WWOX: variants seen among roughly 807,000 people sequenced by gnomAD.
WWOX encodes the protein WW domain-containing oxidoreductase.
A neutral mutation model predicts 46.2 loss-of-function variants in WWOX; 69 were observed. That is an observed-to-expected ratio of 1.49 (90% CI 1.23 to 1.82). The LOEUF (loss-of-function observed/expected upper bound fraction) is 1.82, where lower values mean the gene tolerates loss of function less well. WWOX is among the 40% of genes most tolerant of loss of function. The pLI, the probability that WWOX is intolerant of heterozygous loss-of-function variation, is 0.00. For missense variants in WWOX, 919 were observed against 542.6 expected (o/e 1.69, Z -6.89); for synonymous variants, 359 against 202.6 (o/e 1.77, Z -6.56).
At chr16:78,906,427 C>G (rs1476808951) in intron 8 of WWOX, among the ~76,000 whole-genome samples, 2 of 152,286 alleles carry the variant, frequency 1.3e-5, no homozygotes, top group East Asian at 1.9e-4. Flanking sequence ...CAACCCTCCC[C>G]CAAGCTAAAA....
chr16:78,716,389 C>G (rs890125075), intron 8 of WWOX, among the ~76,000 whole-genome samples: 1 of 152,144 alleles, frequency 6.6e-6, no homozygotes, highest in Admixed American at 6.5e-5. Flanking sequence ...CATTGCTGTT[C>G]TAAGCCACCC....
At chr16:78,137,714 C>G (rs1363952580) in intron 4 of WWOX, among the ~76,000 whole-genome samples, 2 of 152,126 alleles carry the variant, frequency 1.3e-5, no homozygotes, top group African/African-American at 2.4e-5. Flanking sequence ...GTTGTGGTCT[C>G]TGTTCCACTT....
chr16:78,376,745 G>C (rs1345354609), intron 5 of WWOX, among the ~76,000 whole-genome samples: 3 of 152,172 alleles, frequency 2.0e-5, no homozygotes, highest in Non-Finnish European at 4.4e-5. Flanking sequence ...GACATTAGCA[G>C]ATGTCTGCTA....
intron 8 of WWOX, among the ~76,000 whole-genome samples, chr16:78,794,550 C>G (rs1260464122): frequency 6.6e-6 from 1 of 152,184 alleles, no homozygotes; most frequent in African/African-American, 2.4e-5. Context: ...TGAATAATAT[C>G]TAAGAGGTAA....
intron 5 of WWOX, among the ~76,000 whole-genome samples, chr16:78,229,390 C>T (rs1383395089): frequency 6.6e-6 from 1 of 150,638 alleles, no homozygotes; most frequent in Non-Finnish European, 1.5e-5. Flanking sequence ...ACTCAAGAAG[C>T]CTTTGTTTTT....
chr16:78,865,982 G>A (rs1303833955), intron 8 of WWOX, among the ~76,000 whole-genome samples: 1 of 152,202 alleles, frequency 6.6e-6, no homozygotes, highest in Non-Finnish European at 1.5e-5. Flanking sequence ...AACCGTAGGT[G>A]ATCACATACT....
At chr16:78,864,754 CTTTTTTTTTTT>C (rs57606576) in intron 8 of WWOX, among the ~76,000 whole-genome samples, 18 of 87,160 alleles carry the variant, frequency 2.1e-4, no homozygotes, top group African/African-American at 5.7e-4. Context: ...TCTCCAACTC[CTTTTTTTTTTT>C]TTTTTTTTTT....
At chr16:79,033,434 G>C (rs1367388837) in intron 8 of WWOX, among the ~76,000 whole-genome samples, 1 of 150,212 alleles carries the variant, frequency 6.7e-6, no homozygotes. Context: ...TGGTGTAGAT[G>C]TACCACATTT....
At position 78,359,103 on chromosome 16, in the gene WWOX, T is replaced by C. The variant is rs539058100; in HGVS notation, c.517-27757T>C. Among the ~76,000 whole-genome samples the C allele has an allele frequency of 3.3e-5, 5 of 152,252 alleles. No individual in the cohort carries two copies. The South Asian group carries it at 6.2e-4, about 19-fold the overall frequency. On this transcript the variant is annotated intron_variant, in intron 5 of 8. Transcript: ENST00000566780. ...ATAGATAATGCTTGAGAAAGCTTCT[T>C]CCCATATATACTCTTTCTGTAGCAG...
intron 8 of WWOX, among the ~76,000 whole-genome samples, chr16:78,613,793 G>A (rs189164401): frequency 3.5e-4 from 53 of 152,274 alleles, no homozygotes; most frequent in African/African-American, 1.2e-3. Flanking sequence ...TTTGGGGGCC[G>A]GATGTGTTTC....
chr16:78,522,526 C>T (rs1002251638), intron 8 of WWOX, among the ~76,000 whole-genome samples: 5 of 152,126 alleles, frequency 3.3e-5, no homozygotes, highest in Non-Finnish European at 4.4e-5. Flanking sequence ...GTCATATGAC[C>T]TCCAGATTTC....
At chr16:79,004,198 G>C (rs2047148553) in intron 8 of WWOX, 1 of 152,188 alleles carries the variant, frequency 6.6e-6, no homozygotes, top group East Asian at 1.9e-4. Flanking sequence ...AGTCCCTGTT[G>C]AGTCCCTGTG....
chr16:78,183,882 C>T (rs962387029), intron 5 of WWOX, among the ~76,000 whole-genome samples: 8 of 152,138 alleles, frequency 5.3e-5, no homozygotes, highest in African/African-American at 7.2e-5. Context: ...GGATGGTGAC[C>T]GTTTACAGAA....
intron 8 of WWOX, among the ~76,000 whole-genome samples, chr16:79,019,411 T>C (rs1470259294): frequency 6.6e-6 from 1 of 152,212 alleles, no homozygotes; most frequent in East Asian, 1.9e-4. Flanking sequence ...GGCTGCGTAC[T>C]GTAGGCAGTT....
chr16:78,519,767 A>G (rs902232508), intron 8 of WWOX, among the ~76,000 whole-genome samples: 1 of 152,116 alleles, frequency 6.6e-6, no homozygotes, highest in Non-Finnish European at 1.5e-5. Flanking sequence ...AGCAGGTGCC[A>G]TCTATGAGCC....
chr16:78,585,803 G>A (rs975980194), intron 8 of WWOX, among the ~76,000 whole-genome samples: 1 of 151,816 alleles, frequency 6.6e-6, no homozygotes, highest in African/African-American at 2.4e-5. Flanking sequence ...CCGTATCATG[G>A]TGCTCCTTGG....
intron 4 of WWOX, among the ~76,000 whole-genome samples, chr16:78,127,821 GT>G (rs999145167): frequency 1.3e-5 from 2 of 152,142 alleles, no homozygotes; most frequent in Non-Finnish European, 2.9e-5. Context: ...ACTTAAAAAG[GT>G]AGGACAGTTT....
chr16:78,250,171 G>T (rs935400660), intron 5 of WWOX, among the ~76,000 whole-genome samples: 5 of 152,164 alleles, frequency 3.3e-5, no homozygotes, highest in Non-Finnish European at 5.9e-5. Flanking sequence ...AATTTAGGGG[G>T]CTGTATGGAT....
At chr16:78,930,217 ACCTTTCTTCCTTCCTTCCTT>A (rs2045588699) in intron 8 of WWOX, among the ~76,000 whole-genome samples, 1 of 79,928 alleles carries the variant, frequency 1.3e-5, no homozygotes, top group African/African-American at 5.0e-5. Context: ...TTATTTCAGG[ACCTTTCTTCCTTCCTTCCTT>A]CCTTCCTTCC....
Sources: gnomAD v4.1 joint callset for allele counts (sites outside exome capture counted in the v4.1 genomes callset) on GRCh38, gnomAD v4.1.1 for gene constraint, MANE v1.5 for transcripts, NCBI Gene and HGNC (gene_info 2026-07-23, HGNC 2026-07-21) for gene names.